Variants in TPO observed in about 807,000 individuals in gnomAD.
TPO encodes the protein thyroid microsomal antigen.
A neutral mutation model predicts 96.9 loss-of-function variants in TPO; 78 were observed. That is an observed-to-expected ratio of 0.81 (90% CI 0.67 to 0.97). The LOEUF is 0.97. Ranked by LOEUF, TPO falls within the 50% of genes least tolerant of loss-of-function variation. The pLI is 0.00. For synonymous variants in TPO, 547 were observed against 538.0 expected, an observed-to-expected ratio of 1.02 and a Z score of -0.23; for missense variants, 1,252 against 1,274.8, an observed-to-expected ratio of 0.98 and a Z score of 0.27.
intron 9 of TPO, among the ~76,000 whole-genome samples, chr2:1,486,739 C>T (rs1272891723): frequency 6.6e-6 from 1 of 152,118 alleles, no homozygotes; most frequent in African/African-American, 2.4e-5. Context: ...TCCCAGTAGT[C>T]TGTAAGTCCT....
intron 15 of TPO, among the ~76,000 whole-genome samples, chr2:1,526,140 C>T (rs1676438930): frequency 9.8e-6 from 1 of 102,112 alleles, no homozygotes; most frequent in Non-Finnish European, 2.0e-5. Flanking sequence ...TCCCCCATCC[C>T]TCCATGTGCA....
At chr2:1,423,153 G>T in intron 3 of TPO, 24 bp downstream of exon 3, 1 of 1,609,100 alleles carries the variant, frequency 6.2e-7, no homozygotes, top group Non-Finnish European at 8.5e-7. Context: ...AGGGGCCGCC[G>T]CCCCAAATGC....
intron 7 of TPO, among the ~76,000 whole-genome samples, chr2:1,457,604 A>G (rs1667948727): frequency 6.6e-6 from 1 of 151,482 alleles, no homozygotes; most frequent in African/African-American, 2.4e-5. Flanking sequence ...TATATGTAGC[A>G]TGTATGATAG....
chr2:1,388,115 C>A (rs1162241016), intron 1 of TPO, among the ~76,000 whole-genome samples: 4 of 152,210 alleles, frequency 2.6e-5, no homozygotes, highest in Non-Finnish European at 5.9e-5. Flanking sequence ...TGTCAGTCTG[C>A]CCCTACTCGG....
chr2:1,374,433 T>C (rs1661686820), intron 1 of TPO: 1 of 152,320 alleles, frequency 6.6e-6, no homozygotes, highest in Admixed American at 6.5e-5. Flanking sequence ...TTTTCCTTTT[T>C]ACTGAACGGG....
chr2:1,505,362 C>T (rs1226910630), intron 14 of TPO, among the ~76,000 whole-genome samples: 1 of 148,796 alleles, frequency 6.7e-6, no homozygotes, highest in Non-Finnish European at 1.5e-5. Context: ...CACACACCCC[C>T]ACCCCCGTGT....
intron 15 of TPO, 39 bp from the exon 16 acceptor site, chr2:1,540,555 C>T (rs750493492): frequency 5.1e-5 from 82 of 1,609,752 alleles, no homozygotes; most frequent in Non-Finnish European, 6.4e-5. Flanking sequence ...GTCACGGTGC[C>T]GGACCCTCTC....
At position 1,542,543 on chromosome 2, in the gene TPO, C is replaced by T. The variant is rs746811758; in HGVS notation, c.*69C>T. 60 of 1,606,314 alleles carry T rather than the reference C, an allele frequency of 3.7e-5. No individual in the cohort carries two copies. Among genetic ancestry groups the T allele is most frequent in the Middle Eastern group, 3.3e-4 (2 of 6,070 alleles). On this transcript the variant is annotated 3_prime_UTR_variant, in exon 17 of 17. Transcript: ENST00000329066. ...AATCACCGTACGACTCTTTTCCAAA[C>T]ACAGGCAAATCCGAAATCAGCAGGA... is the stretch of plus-strand genomic sequence containing the variant.
At chr2:1,443,208 G>A (rs1666365291) in intron 5 of TPO, among the ~76,000 whole-genome samples, 1 of 152,220 alleles carries the variant, frequency 6.6e-6, no homozygotes, top group Non-Finnish European at 1.5e-5. Context: ...AATGCCGCAG[G>A]AGGTACCGTG....
At chr2:1,484,944 A>G (rs1670993722) in intron 9 of TPO, 90 bp downstream of exon 9, 17 of 1,568,592 alleles carry the variant, frequency 1.1e-5, no homozygotes, top group Non-Finnish European at 1.5e-5. Flanking sequence ...TCTAGGGTAC[A>G]TGTGCACAAC....
At position 1,454,495 on chromosome 2, in the gene TPO, T is replaced by C. The variant is rs758108056; in HGVS notation, c.612+672T>C. ...AAGCCAACAACTTTACCTAGGCAAT[T>C]TTCCTAGGCGGGCTTTTAGTAAGAG... On this transcript the variant is annotated intron_variant, in intron 6 of 16. Transcript: ENST00000329066. Among the ~76,000 whole-genome samples, 196 of 152,104 alleles carry C rather than the reference T, an allele frequency of 1.3e-3. 1 individual carries two copies. Among genetic ancestry groups the C allele is most frequent in the Non-Finnish European group, 2.2e-3 (152 of 68,024 alleles).
chr2:1,472,483 A>G (rs1222283757), intron 7 of TPO, among the ~76,000 whole-genome samples: 2 of 152,166 alleles, frequency 1.3e-5, no homozygotes, highest in African/African-American at 2.4e-5. Context: ...AAACAAGACT[A>G]TGCTGAGTAC....
intron 15 of TPO, among the ~76,000 whole-genome samples, chr2:1,537,410 CCTCCCCAAACCCTCCCATTGTGTGCAAA>C (rs1400782252): frequency 1.4e-5 from 2 of 144,148 alleles, no homozygotes; most frequent in African/African-American, 5.3e-5. Flanking sequence ...CTGTGAGCAA[CCTCCCCAAACCCTCCCATTGTGTGCAAA>C]CTCCCAAATC....
intron 15 of TPO, among the ~76,000 whole-genome samples, chr2:1,529,270 T>C (rs367730795): frequency 0.017 from 248 of 14,312 alleles, no homozygotes; most frequent in Non-Finnish European, 0.021. Context: ...TGCAACCTCC[T>C]CAAATCCCCC....
At chr2:1,539,838 G>A (rs946842848) in intron 15 of TPO, among the ~76,000 whole-genome samples, 1 of 145,188 alleles carries the variant, frequency 6.9e-6, no homozygotes, top group East Asian at 2.0e-4. Flanking sequence ...GACCACCAAG[G>A]CAAGGGAAGG....
At chr2:1,377,929 T>C (rs1661746996) in intron 1 of TPO, among the ~76,000 whole-genome samples, 1 of 152,200 alleles carries the variant, frequency 6.6e-6, no homozygotes, top group African/African-American at 2.4e-5. Flanking sequence ...GCTCCCATAA[T>C]TTCCACTTGT....
chr2:1,534,919 C>T (rs539669148), intron 15 of TPO, among the ~76,000 whole-genome samples: 2 of 6,382 alleles, frequency 3.1e-4, no homozygotes, highest in East Asian at 7.2e-3. Flanking sequence ...CCCCAAATCC[C>T]TCCCCAATGT....
intron 1 of TPO, among the ~76,000 whole-genome samples, chr2:1,380,964 G>A (rs554463312): frequency 3.3e-4 from 50 of 152,172 alleles, no homozygotes; most frequent in African/African-American, 1.2e-3. Flanking sequence ...GTGAGAGGAG[G>A]TGCCATAGAC....
intron 14 of TPO, among the ~76,000 whole-genome samples, chr2:1,509,872 C>T (rs1673910340): frequency 6.6e-6 from 1 of 151,550 alleles, no homozygotes; most frequent in African/African-American, 2.4e-5. Flanking sequence ...GCACACCCCA[C>T]TCTCTTGTTT....
Sources: allele counts gnomAD v4.1 joint callset (sites outside exome capture counted in the v4.1 genomes callset), GRCh38; gene constraint gnomAD v4.1.1; transcripts MANE v1.5; gene names NCBI Gene and HGNC (gene_info 2026-07-23, HGNC 2026-07-21).